Variants in PRIM2 observed in about 807,000 individuals in gnomAD.
PRIM2 encodes the protein DNA primase large subunit.
PRIM2 carries 39 observed loss-of-function variants against 67.3 expected under a neutral mutation model. The ratio of observed to expected loss-of-function variants is 0.58; its 90% CI spans 0.45 to 0.76. The LOEUF is 0.76. PRIM2 is among the 30% of genes least tolerant of loss of function. The probability of loss-of-function intolerance (pLI) is 0.00; values close to 1 mark genes in which losing one functional copy is unlikely to be tolerated. For missense variants in PRIM2, 398 were observed against 598.7 expected (o/e 0.66, Z 3.50); for synonymous variants, 143 against 198.7 (o/e 0.72, Z 2.36).
At chr6:57,491,794 A>G (rs1447808562) in intron 7 of PRIM2, among the ~76,000 whole-genome samples, 1 of 152,116 alleles carries the variant, frequency 6.6e-6, no homozygotes, top group Non-Finnish European at 1.5e-5. Flanking sequence ...CAGCAAAGAG[A>G]GGGGTCCTGA....
At chr6:57,491,369 A>G (rs1354259062) in intron 7 of PRIM2, among the ~76,000 whole-genome samples, 1 of 152,234 alleles carries the variant, frequency 6.6e-6, no homozygotes, top group Admixed American at 6.5e-5. Flanking sequence ...AGTATTTCTC[A>G]ACATAATAAG....
At chr6:57,406,849 A>G (rs535822786) in intron 7 of PRIM2, among the ~76,000 whole-genome samples, 65 of 152,236 alleles carry the variant, frequency 4.3e-4, no homozygotes, top group African/African-American at 1.6e-3. Flanking sequence ...CATGGAAAGT[A>G]CTTATGCTCT....
At chr6:57,442,927 C>G (rs1389114094) in intron 7 of PRIM2, among the ~76,000 whole-genome samples, 2 of 152,216 alleles carry the variant, frequency 1.3e-5, no homozygotes, top group East Asian at 3.9e-4. Flanking sequence ...ATCATCATCT[C>G]CTTATAACTC....
chr6:57,345,933 T>C (rs1158007681), intron 5 of PRIM2, among the ~76,000 whole-genome samples: 1 of 152,196 alleles, frequency 6.6e-6, no homozygotes, highest in Non-Finnish European at 1.5e-5. Flanking sequence ...GCCATGGCAT[T>C]TGTAAACTGT....
intron 13 of PRIM2, among the ~76,000 whole-genome samples, chr6:57,642,512 G>A (rs1215840745): frequency 1.6e-5 from 2 of 123,978 alleles, no homozygotes; most frequent in African/African-American, 3.2e-5. Context: ...GCGCGATCTC[G>A]ACTCACTGCA....
intron 10 of PRIM2, among the ~76,000 whole-genome samples, chr6:57,562,084 T>A (rs1431581219): frequency 2.6e-5 from 4 of 152,100 alleles, no homozygotes; most frequent in African/African-American, 9.7e-5. Context: ...ATCAACTAAG[T>A]TTGCTGTCTT....
At chr6:57,416,118 A>G (rs1162093960) in intron 7 of PRIM2, among the ~76,000 whole-genome samples, 1 of 152,220 alleles carries the variant, frequency 6.6e-6, no homozygotes, top group South Asian at 2.1e-4. Context: ...CGCTATCTAT[A>G]GTAGCTCTAG....
chr6:57,301,232 T>C, the PRIM2 span, among the ~76,000 whole-genome samples: 1 of 152,144 alleles, frequency 6.6e-6, no homozygotes, highest in South Asian at 2.1e-4. Flanking sequence ...TTATGCCTGT[T>C]ATCCCAGGAC....
intron 5 of PRIM2, among the ~76,000 whole-genome samples, chr6:57,335,593 C>T (rs1581800987): frequency 1.3e-5 from 2 of 152,148 alleles, no homozygotes; most frequent in South Asian, 4.1e-4. Flanking sequence ...CACCCCCCAG[C>T]AGGGGCAGAC....
intron 7 of PRIM2, among the ~76,000 whole-genome samples, chr6:57,400,182 G>T (rs1227908134): frequency 5.9e-5 from 9 of 152,270 alleles, no homozygotes; most frequent in Non-Finnish European, 1.2e-4. Flanking sequence ...TGTTTGTGTG[G>T]TTGCTTTATA....
At chr6:57,472,155 C>T (rs1773349550) in intron 7 of PRIM2, among the ~76,000 whole-genome samples, 2 of 151,944 alleles carry the variant, frequency 1.3e-5, no homozygotes, top group Admixed American at 6.6e-5. Context: ...TTTGGCTGGG[C>T]GCGGTGGCTC....
intron 9 of PRIM2, among the ~76,000 whole-genome samples, chr6:57,537,160 A>G (rs1466837636): frequency 2.0e-5 from 3 of 152,204 alleles, no homozygotes; most frequent in African/African-American, 7.2e-5. Flanking sequence ...TCAAAGAAAA[A>G]GTTTAATTAA....
chr6:57,626,957 G>A (rs1175189778), intron 12 of PRIM2, among the ~76,000 whole-genome samples: 1 of 151,724 alleles, frequency 6.6e-6, no homozygotes, highest in Non-Finnish European at 1.5e-5. Context: ...TCTTACTGGT[G>A]GACTTTATTC....
At chr6:57,402,853 T>G (rs2127357068) in intron 7 of PRIM2, among the ~76,000 whole-genome samples, 1 of 152,240 alleles carries the variant, frequency 6.6e-6, no homozygotes, top group Non-Finnish European at 1.5e-5. Context: ...AAAATAGAAA[T>G]ACATATTAGT....
chr6:57,371,805 A>G (rs551326459), intron 5 of PRIM2, among the ~76,000 whole-genome samples: 2 of 152,348 alleles, frequency 1.3e-5, no homozygotes, highest in South Asian at 4.1e-4. Context: ...CTGTTTGAGA[A>G]TTATAACTTG....
chr6:57,504,204 T>A (rs1554347115), intron 7 of PRIM2, among the ~76,000 whole-genome samples: 1 of 152,194 alleles, frequency 6.6e-6, no homozygotes, highest in Non-Finnish European at 1.5e-5. Context: ...TTTATTGGCA[T>A]TTTTCTTTAT....
chr6:57,399,817 CT>C (rs1438467348), intron 7 of PRIM2, among the ~76,000 whole-genome samples: 1 of 152,076 alleles, frequency 6.6e-6, no homozygotes, highest in East Asian at 1.9e-4. Flanking sequence ...TTTCATGTGT[CT>C]TTTGGCTGCA....
chr6:57,292,068 A>G, the PRIM2 span, among the ~76,000 whole-genome samples: 1 of 152,206 alleles, frequency 6.6e-6, no homozygotes, highest in Admixed American at 6.5e-5. Context: ...CCCTGTTTGC[A>G]GATGACATGA....
chr6:57,445,659 A>T (rs1772341866), intron 7 of PRIM2, among the ~76,000 whole-genome samples: 1 of 152,188 alleles, frequency 6.6e-6, no homozygotes. Context: ...GGAAGGCAAG[A>T]TGAAAAGGGA....
Sources: allele counts gnomAD v4.1 joint callset (sites outside exome capture counted in the v4.1 genomes callset), GRCh38; gene constraint gnomAD v4.1.1; transcripts MANE v1.5; gene names NCBI Gene and HGNC (gene_info 2026-07-23, HGNC 2026-07-21).